ELP4: variants seen among roughly 807,000 people sequenced by gnomAD.
ELP4 encodes elongator acetyltransferase complex subunit 4, also known as elongator complex protein 4.
In ELP4, 51 loss-of-function variants were observed where a neutral mutation model predicts 48.9. That is an observed-to-expected ratio of 1.04 (90% CI 0.83 to 1.32). The LOEUF is 1.32. Among genes scored for constraint, ELP4 ranks in the 40% most tolerant of loss-of-function variants. ELP4 has a pLI of 0.00. For missense variants in ELP4, 519 were observed against 514.6 expected, an observed-to-expected ratio of 1.01 and a Z score of -0.08; for synonymous variants, 210 against 189.2, an observed-to-expected ratio of 1.11 and a Z score of -0.90.
At position 31,789,222 on chromosome 11, in the gene ELP4, T is replaced by C. The variant is rs1397555392; in HGVS notation, c.*5698T>C. On this transcript the variant is annotated 3_prime_UTR_variant, in exon 10 of 10. Coordinates refer to ENST00000640961, the MANE Select transcript of ELP4 (RefSeq NM_019040.5). ...AATATAAATGAAATTAACTTTATTATAGAAATCATTCTGAGGATTTCTAGG... is the reference window on the plus strand; with the variant it reads ...AATATAAATGAAATTAACTTTATTACAGAAATCATTCTGAGGATTTCTAGG... 1 of 210,520 alleles carries C rather than the reference T, an allele frequency of 4.8e-6. No homozygotes were observed. Among genetic ancestry groups the C allele is most frequent in the Non-Finnish European group, 9.6e-6 (1 of 103,646 alleles). 13.0% of individuals were successfully genotyped at this position (210,520 alleles called of 1,614,324 possible). A position where few individuals can be genotyped will look rare whatever the true frequency, so the allele number is the denominator to read the frequency against.
intron 9 of ELP4, among the ~76,000 whole-genome samples, chr11:31,749,386 A>C (rs1030705849): frequency 6.6e-6 from 1 of 152,212 alleles, no homozygotes; most frequent in African/African-American, 2.4e-5. Context: ...AGTTATAGAG[A>C]GTACGGAAAA....
chr11:31,612,343 G>A (rs539885902), intron 5 of ELP4, among the ~76,000 whole-genome samples: 1 of 152,220 alleles, frequency 6.6e-6, no homozygotes, highest in South Asian at 2.1e-4. Flanking sequence ...TTGGGAGTTT[G>A]GGTTGAATCG....
At chr11:31,759,267 A>C (rs927327325) in intron 9 of ELP4, among the ~76,000 whole-genome samples, 3 of 152,192 alleles carry the variant, frequency 2.0e-5, no homozygotes, top group Admixed American at 6.5e-5. Flanking sequence ...GAAAAGCAAA[A>C]TTAGAGAATA....
intron 5 of ELP4, among the ~76,000 whole-genome samples, chr11:31,613,621 AT>A (rs1263508358): frequency 1.3e-5 from 2 of 151,706 alleles, no homozygotes; most frequent in African/African-American, 4.8e-5. Flanking sequence ...ACTGTTAACA[AT>A]ATTTGCCTCT....
intron 3 of ELP4, among the ~76,000 whole-genome samples, chr11:31,574,830 A>C (rs1450603357): frequency 1.3e-5 from 2 of 152,248 alleles, no homozygotes; most frequent in Non-Finnish European, 2.9e-5. Context: ...AAATATCTGG[A>C]GAAACCAGAG....
intron 6 of ELP4, among the ~76,000 whole-genome samples, chr11:31,629,251 A>C (rs1349746986): frequency 1.3e-5 from 2 of 151,972 alleles, no homozygotes; most frequent in Non-Finnish European, 2.9e-5. Flanking sequence ...AATATTTTGG[A>C]TGTTCTCGTA....
At chr11:31,650,434 A>G in intron 9 of ELP4, 1 of 376,102 alleles carries the variant, frequency 2.7e-6, no homozygotes, top group Non-Finnish European at 4.7e-6. Context: ...GGCAAAGATG[A>G]TTTTCTTTTG....
chr11:31,553,348 AG>A (rs1956880756), intron 3 of ELP4, among the ~76,000 whole-genome samples: 1 of 152,180 alleles, frequency 6.6e-6, no homozygotes, highest in African/African-American at 2.4e-5. Context: ...TTAATTTGGT[AG>A]ACTGAGTAAA....
At chr11:31,740,590 TTA>T (rs779590823) in intron 9 of ELP4, among the ~76,000 whole-genome samples, 3 of 152,244 alleles carry the variant, frequency 2.0e-5, no homozygotes, top group Non-Finnish European at 4.4e-5. Context: ...GATATTAATA[TTA>T]TCGAAATGTT....
At chr11:31,747,549 A>G (rs1947624119) in intron 9 of ELP4, among the ~76,000 whole-genome samples, 1 of 152,242 alleles carries the variant, frequency 6.6e-6, no homozygotes, top group Admixed American at 6.5e-5. Context: ...ACAATATATT[A>G]GTTTCATAGC....
chr11:31,654,050 A>T (rs575509671), intron 9 of ELP4: 1 of 151,784 alleles, frequency 6.6e-6, no homozygotes, highest in Non-Finnish European at 1.5e-5. Context: ...ATCATACTGT[A>T]GCACATTCTA....
intron 9 of ELP4, among the ~76,000 whole-genome samples, chr11:31,718,695 C>G (rs535755072): frequency 7.2e-5 from 11 of 152,346 alleles, no homozygotes; most frequent in Non-Finnish European, 2.9e-5. Flanking sequence ...CTTCCTCACA[C>G]ATGGTGGTCA....
intron 3 of ELP4, among the ~76,000 whole-genome samples, chr11:31,567,213 G>A (rs1040679674): frequency 2.6e-5 from 4 of 151,916 alleles, no homozygotes; most frequent in Non-Finnish European, 4.4e-5. Context: ...GATTACAGGC[G>A]TGAGCCACCG....
chr11:31,626,612 G>A (rs575200110), intron 5 of ELP4, among the ~76,000 whole-genome samples: 11 of 151,482 alleles, frequency 7.3e-5, no homozygotes, highest in African/African-American at 1.2e-4. Context: ...ACTTTTCTTC[G>A]TGTGTCTTAA....
chr11:31,615,191 A>G (rs945810744), intron 5 of ELP4, among the ~76,000 whole-genome samples: 1 of 152,154 alleles, frequency 6.6e-6, no homozygotes, highest in Non-Finnish European at 1.5e-5. Context: ...ACTTTTATGT[A>G]AGTTTGAGAT....
At chr11:31,772,438 T>A (rs1948166249) in intron 9 of ELP4, among the ~76,000 whole-genome samples, 1 of 152,182 alleles carries the variant, frequency 6.6e-6, no homozygotes, top group Non-Finnish European at 1.5e-5. Flanking sequence ...CTTCTTTTTT[T>A]TGTTTGCCCT....
intron 7 of ELP4, among the ~76,000 whole-genome samples, chr11:31,640,358 A>G (rs1945067839): frequency 6.6e-6 from 1 of 151,966 alleles, no homozygotes; most frequent in Admixed American, 6.6e-5. Flanking sequence ...ATACTTGGTT[A>G]CGTACTTTCC....
chr11:31,588,079 T>A (rs1182040094), intron 3 of ELP4, among the ~76,000 whole-genome samples: 1 of 152,152 alleles, frequency 6.6e-6, no homozygotes, highest in Non-Finnish European at 1.5e-5. Flanking sequence ...TGTGGATTTT[T>A]AAAAATTTGC....
At chr11:31,608,808 C>T (rs1339853227) in intron 5 of ELP4, among the ~76,000 whole-genome samples, 1 of 151,982 alleles carries the variant, frequency 6.6e-6, no homozygotes, top group Admixed American at 6.6e-5. Context: ...TGAGACGAGA[C>T]CTGGGAAGGG....
Sources: gnomAD v4.1 joint callset for allele counts (sites outside exome capture counted in the v4.1 genomes callset) on GRCh38, gnomAD v4.1.1 for gene constraint, MANE v1.5 for transcripts, NCBI Gene and HGNC (gene_info 2026-07-23, HGNC 2026-07-21) for gene names.